Variants in NKAIN2 observed in about 807,000 individuals in gnomAD.
NKAIN2 encodes sodium/potassium-transporting ATPase subunit beta-1-interacting protein 2.
NKAIN2 carries 14 observed loss-of-function variants against 32.6 expected under a neutral mutation model. The ratio of observed to expected loss-of-function variants is 0.43; its 90% confidence interval spans 0.28 to 0.67. The LOEUF (loss-of-function observed/expected upper bound fraction) is 0.67. Ranked by LOEUF, NKAIN2 falls within the 30% of genes least tolerant of loss-of-function variation. The probability of loss-of-function intolerance (pLI) is 0.17; values close to 1 mark genes in which losing one functional copy is unlikely to be tolerated. For missense variants in NKAIN2, 198 were observed against 258.3 expected (o/e 0.77, Z 1.60); for synonymous variants, 80 against 87.2 (o/e 0.92, Z 0.46).
At chr6:124,037,419 AGTGAAACTTATTTTCATATTTCCCATAT>A (rs1781652625) in intron 1 of NKAIN2, among the ~76,000 whole-genome samples, 1 of 152,178 alleles carries the variant, frequency 6.6e-6, no homozygotes, top group South Asian at 2.1e-4. Context: ...AATTAGCACC[AGTGAAACTTATTTTCATATTTCCCATAT>A]GTCATTTTTT....
intron 1 of NKAIN2, among the ~76,000 whole-genome samples, chr6:124,185,998 A>G (rs1403817949): frequency 6.6e-6 from 1 of 151,914 alleles, no homozygotes; most frequent in Non-Finnish European, 1.5e-5. Flanking sequence ...GAAGCTCGGA[A>G]AAAAGAAAAC....
intron 2 of NKAIN2, among the ~76,000 whole-genome samples, chr6:124,331,374 A>AC (rs1797649229): frequency 6.9e-6 from 1 of 144,906 alleles, no homozygotes; most frequent in African/African-American, 2.6e-5. Context: ...AAAAAAAAAA[A>AC]AAAAACTAGC....
chr6:124,197,352 T>C (rs549554487), intron 1 of NKAIN2, among the ~76,000 whole-genome samples: 49 of 152,234 alleles, frequency 3.2e-4, no homozygotes, highest in Non-Finnish European at 3.5e-4. Flanking sequence ...TATATGGCTT[T>C]GTATTGTTCG....
intron 1 of NKAIN2, among the ~76,000 whole-genome samples, chr6:124,010,577 T>G (rs1434699886): frequency 6.6e-6 from 1 of 150,930 alleles, no homozygotes; most frequent in Non-Finnish European, 1.5e-5. Context: ...TGACCTGGGC[T>G]CAAACACTGG....
intron 3 of NKAIN2, among the ~76,000 whole-genome samples, chr6:124,629,197 C>G (rs1327330382): frequency 1.3e-5 from 2 of 152,160 alleles, no homozygotes; most frequent in Non-Finnish European, 2.9e-5. Flanking sequence ...TTCCCCTCAT[C>G]TATTGAGTCT....
chr6:124,822,896 C>T (rs974273061), intron 6 of NKAIN2, among the ~76,000 whole-genome samples: 7 of 152,096 alleles, frequency 4.6e-5, no homozygotes, highest in South Asian at 2.1e-4. Flanking sequence ...ATTGGGCTTC[C>T]AGCAATATAA....
chr6:124,706,839 TTTTA>T (rs1485849313), intron 4 of NKAIN2, among the ~76,000 whole-genome samples: 3 of 151,694 alleles, frequency 2.0e-5, no homozygotes, highest in South Asian at 2.1e-4. Context: ...TTATAGTTGG[TTTTA>T]TTTTTTTTTT....
At chr6:124,230,141 C>T (rs1190437449) in intron 1 of NKAIN2, among the ~76,000 whole-genome samples, 1 of 152,038 alleles carries the variant, frequency 6.6e-6, no homozygotes, top group Non-Finnish European at 1.5e-5. Context: ...GATGGGGAAA[C>T]TTGTTGAGAG....
intron 3 of NKAIN2, among the ~76,000 whole-genome samples, chr6:124,384,717 C>T (rs1772813500): frequency 6.9e-6 from 1 of 145,970 alleles, no homozygotes; most frequent in South Asian, 2.1e-4. Flanking sequence ...GCCTCAACCT[C>T]CTGGGTTCAA....
intron 4 of NKAIN2, among the ~76,000 whole-genome samples, chr6:124,780,188 G>A (rs1040521346): frequency 3.3e-5 from 5 of 152,136 alleles, no homozygotes; most frequent in African/African-American, 1.2e-4. Flanking sequence ...TGTAAGGGTT[G>A]GGAGAGTGGT....
At chr6:124,513,102 C>A (rs915743613) in intron 3 of NKAIN2, among the ~76,000 whole-genome samples, 1 of 152,080 alleles carries the variant, frequency 6.6e-6, no homozygotes, top group Non-Finnish European at 1.5e-5. Flanking sequence ...GGACTCTTTA[C>A]TGTGGTACTG....
intron 3 of NKAIN2, chr6:124,391,142 A>G (rs1773125133): frequency 6.6e-6 from 1 of 152,158 alleles, no homozygotes. Flanking sequence ...TTGAATGGTT[A>G]AAGCCTTGCT....
intron 1 of NKAIN2, among the ~76,000 whole-genome samples, chr6:124,260,020 G>C (rs1370600113): frequency 2.6e-5 from 4 of 152,134 alleles, no homozygotes; most frequent in Non-Finnish European, 4.4e-5. Context: ...TCAATGATTA[G>C]TAATGATTAC....
chr6:124,574,749 C>T (rs1781264418), intron 3 of NKAIN2, among the ~76,000 whole-genome samples: 1 of 152,208 alleles, frequency 6.6e-6, no homozygotes, highest in Non-Finnish European at 1.5e-5. Flanking sequence ...TCTTGGGCTA[C>T]TTAACGTTTC....
chr6:124,282,005 A>G (rs1008621894), intron 1 of NKAIN2, among the ~76,000 whole-genome samples: 1 of 152,176 alleles, frequency 6.6e-6, no homozygotes, highest in Non-Finnish European at 1.5e-5. Flanking sequence ...CAGAGAGTTT[A>G]TTATCATCCC....
rs576888788 is a variant in NKAIN2 at position 124,682,205 on chromosome 6, TAAATGATCATG to T, written c.474+23825_474+23835del. Among the ~76,000 whole-genome samples, 180 of 151,932 alleles carry T rather than the reference TAAATGATCATG, an allele frequency of 1.2e-3. No homozygotes were observed. In the Middle Eastern group the frequency reaches 0.014, roughly 11 times the overall value. ...ATGGTGAACAGATTTAGGGGACAAATAAATGATCATGAAATGGCTAATCTTTAAACAGCCAG... is the reference window on the plus strand; with the variant it reads ...ATGGTGAACAGATTTAGGGGACAAATAAATGGCTAATCTTTAAACAGCCAG... On this transcript the variant is annotated intron_variant, in intron 4 of 6. Transcript: ENST00000368417.
chr6:123,926,062 T>TA (rs1163328149), intron 1 of NKAIN2, among the ~76,000 whole-genome samples: 1 of 152,150 alleles, frequency 6.6e-6, no homozygotes, highest in African/African-American at 2.4e-5. Context: ...GTCTCTTGTC[T>TA]AAAGGCACTA....
chr6:124,771,857 T>G (rs749639557), intron 4 of NKAIN2, among the ~76,000 whole-genome samples: 1 of 152,158 alleles, frequency 6.6e-6, no homozygotes, highest in Non-Finnish European at 1.5e-5. Flanking sequence ...TCTAGGTGAA[T>G]GCAGTGGTTC....
chr6:124,160,068 G>T (rs976591202), intron 1 of NKAIN2, among the ~76,000 whole-genome samples: 1 of 152,086 alleles, frequency 6.6e-6, no homozygotes, highest in Non-Finnish European at 1.5e-5. Context: ...GGAAGATGTG[G>T]GATAAACCCT....
Sources: allele counts gnomAD v4.1 joint callset (sites outside exome capture counted in the v4.1 genomes callset), GRCh38; gene constraint gnomAD v4.1.1; transcripts MANE v1.5; gene names NCBI Gene and HGNC (gene_info 2026-07-23, HGNC 2026-07-21).